ELP2: variants seen among roughly 807,000 people sequenced by gnomAD.
ELP2 encodes elongator complex protein 2.
In ELP2, 90 loss-of-function variants were observed where a neutral mutation model predicts 119.2. The observed-to-expected ratio is 0.75, with a 90% CI of 0.64 to 0.90. ELP2 has a LOEUF of 0.90. Among genes scored for constraint, ELP2 ranks in the 40% least tolerant of loss-of-function variants. ELP2 has a pLI of 0.00. For missense variants in ELP2, 921 were observed against 967.8 expected, an observed-to-expected ratio of 0.95 and a Z score of 0.64; for synonymous variants, 339 against 331.0, an observed-to-expected ratio of 1.02 and a Z score of -0.26.
rs928023635 is a variant in ELP2, at chr18:36,141,158, A to G, written c.545A>G (p.Asn182Ser). ...NTDVPILACG[N>S]DDCRIHIFAQ... The stretch of plus-strand genomic sequence containing the variant: ...CCAGTACCAATATTAGCATGTGGCA[A>G]TGATGATTGCAGAATTCACATATTT... The change falls in exon 6 of 22, where the codon AAT becomes AGT. Residue 182 changes from asparagine (N) to serine (S), a missense_variant. Physicochemically the swap from Asn to Ser is conservative, Grantham distance 46 (BLOSUM62 1). Transcript: ENST00000358232. 2 of 1,613,916 alleles carry G rather than the reference A, an allele frequency of 1.2e-6. No homozygotes were observed. Among genetic ancestry groups the G allele is most frequent in the East Asian group, 2.2e-5 (1 of 44,848 alleles).
intron 9 of ELP2, 27 bp downstream of exon 9, chr18:36,145,061 C>T: frequency 1.3e-6 from 2 of 1,540,796 alleles, no homozygotes. Flanking sequence ...ACACATATCC[C>T]TTACTCCAGT....
chr18:36,151,326 A>G (rs1398693533), intron 11 of ELP2, among the ~76,000 whole-genome samples: 1 of 150,986 alleles, frequency 6.6e-6, no homozygotes, highest in Non-Finnish European at 1.5e-5. Flanking sequence ...CAAGCAGTCT[A>G]CCCGCTTCTG....
chr18:36,142,402 C>A, intron 7 of ELP2, 55 bp downstream of exon 7: 1 of 1,380,374 alleles, frequency 7.2e-7, no homozygotes, highest in Non-Finnish European at 1.0e-6. Flanking sequence ...TGTGTTACTT[C>A]CAAGAAAGCA....
At position 36,140,124 on chromosome 18, in the gene ELP2, G is replaced by C. The variant is rs1441684622; in HGVS notation, c.524-1013G>C. Among the ~76,000 whole-genome samples the C allele has an allele frequency of 2.0e-5, 3 of 152,008 alleles. No individual in the cohort carries two copies. The East Asian group carries it at 5.8e-4, about 30-fold the overall frequency. ...CTCCCAAAGTGCTGGGATCACAGAT[G>C]TGAGCCACTGCGTCTGGATCCCCTT... On this transcript the variant is annotated intron_variant, in intron 5 of 21. Transcript: ENST00000358232.
Position 36,149,471 on chromosome 18 carries a change from G to GTTTT in ELP2, c.1125+3093_1125+3096dup, listed in dbSNP as rs1457178336. Among the ~76,000 whole-genome samples, 76 of 66,882 alleles carry GTTTT rather than the reference G, an allele frequency of 1.1e-3. 1 individual carries two copies. The highest frequency in any genetic ancestry group is 2.8e-3 in the African/African-American group (64 of 22,946). 43.9% of individuals were successfully genotyped at this position (66,882 alleles called of 152,430 possible). On this transcript the variant is annotated intron_variant, in intron 11 of 21. Transcript: ENST00000358232. ...CAAGACTTAGAAACATAGTTGCAGGGTTTTTTGTTTTGTTTTGTTTTTTTT... is the reference window on the plus strand; with the variant it reads ...CAAGACTTAGAAACATAGTTGCAGGGTTTTTTTTTTGTTTTGTTTTGTTTTTTTT...
At chr18:36,133,896 G>GTT (rs1567972210) in intron 2 of ELP2, among the ~76,000 whole-genome samples, 4 of 114,792 alleles carry the variant, frequency 3.5e-5, no homozygotes, top group African/African-American at 1.4e-4. Context: ...GTTTTTTAGG[G>GTT]GTTTTTTTTT....
At chr18:36,145,177 G>T in intron 9 of ELP2, 143 bp downstream of exon 9, 1 of 697,342 alleles carries the variant, frequency 1.4e-6, no homozygotes, top group South Asian at 1.5e-5. Flanking sequence ...GTATAATACT[G>T]CATTCCTGGT....
rs778411093 is a variant in ELP2, at chr18:36,145,945, T to C, written c.893-3T>C. On this transcript the variant is annotated splice_region_variant and splice_polypyrimidine_tract_variant and intron_variant, in intron 9 of 21. Transcript: ENST00000358232. ...CCTAAAGGGATTAGGTTTTATTTTTTAGATGGTGTCCTACAGCAGCCAGTG... is the reference window on the plus strand; with the variant it reads ...CCTAAAGGGATTAGGTTTTATTTTTCAGATGGTGTCCTACAGCAGCCAGTG... 12 of 1,611,504 alleles carry C rather than the reference T, an allele frequency of 7.4e-6. No individual in the cohort carries two copies. Among genetic ancestry groups the C allele is most frequent in the Non-Finnish European group, 1.0e-5 (12 of 1,177,576 alleles).
chr18:36,141,764 C>T (rs1949826004), intron 6 of ELP2, among the ~76,000 whole-genome samples: 1 of 149,482 alleles, frequency 6.7e-6, no homozygotes, highest in Non-Finnish European at 1.5e-5. Flanking sequence ...GAACATGCGT[C>T]ACTGTAGTCT....
At position 36,164,619 on chromosome 18, in the gene ELP2, C is replaced by T. The variant is rs368507377; in HGVS notation, c.1906C>T (p.Arg636Ter). The T allele has an allele frequency of 9.9e-6, 16 of 1,613,924 alleles. No individual in the cohort carries two copies. The highest frequency in any genetic ancestry group is 2.7e-5 in the African/African-American group (2 of 74,908). The change falls in exon 18 of 22, where the codon CGA becomes TGA. Residue 636 changes from arginine (R) to a stop codon, truncating the protein, a stop_gained. Transcript: ENST00000358232. LOFTEE classifies it high-confidence loss of function. ...EKFLLAVSRD[R>*]TWSLWKKQDT... ...GTTCTTACTAGCTGTTTCCAGAGAT[C>T]GAACCTGGTCATTGTGGAAAAAGCA...
At chr18:36,136,924 T>C (rs947802019) in intron 3 of ELP2, among the ~76,000 whole-genome samples, 8 of 152,216 alleles carry the variant, frequency 5.3e-5, no homozygotes, top group African/African-American at 1.9e-4. Flanking sequence ...GTTATGTTTT[T>C]AAAAATTCTC....
chr18:36,139,407 T>G (rs2089943616), intron 5 of ELP2: 1 of 1,534,780 alleles, frequency 6.5e-7, no homozygotes, highest in African/African-American at 1.4e-5. Flanking sequence ...GTCAGCCTCT[T>G]TGCCTCCACA....
intron 3 of ELP2, among the ~76,000 whole-genome samples, chr18:36,137,926 A>G (rs545863042): frequency 2.6e-4 from 39 of 152,122 alleles, no homozygotes; most frequent in African/African-American, 9.4e-4. Flanking sequence ...GTGCCTCCTG[A>G]TGGGATGTGC....
chr18:36,156,324 T>C, intron 12 of ELP2, 142 bp from the exon 13 acceptor site: 1 of 807,144 alleles, frequency 1.2e-6, no homozygotes, highest in African/African-American at 1.7e-5. Context: ...TTACCAATAC[T>C]GCCCAGTTGT....
At chr18:36,169,002 G>A (rs533021977) in intron 19 of ELP2, among the ~76,000 whole-genome samples, 3 of 126,498 alleles carry the variant, frequency 2.4e-5, no homozygotes, top group East Asian at 2.5e-4. Context: ...TTGGCTCACT[G>A]CAACCCCCGC....
intron 11 of ELP2, among the ~76,000 whole-genome samples, chr18:36,153,135 CAG>C (rs765987842): frequency 6.6e-6 from 1 of 152,236 alleles, no homozygotes; most frequent in Non-Finnish European, 1.5e-5. Flanking sequence ...TTATAGATAA[CAG>C]TGACCAAGGG....
chr18:36,155,270 C>CG (rs2090536539), intron 12 of ELP2, among the ~76,000 whole-genome samples: 1 of 144,142 alleles, frequency 6.9e-6, no homozygotes, highest in African/African-American at 2.6e-5. Flanking sequence ...CCCCTCCCCC[C>CG]CCCCCGCCTC....
At chr18:36,139,219 G>T (rs983050752) in intron 5 of ELP2, among the ~76,000 whole-genome samples, 2 of 152,154 alleles carry the variant, frequency 1.3e-5, no homozygotes, top group Non-Finnish European at 2.9e-5. Flanking sequence ...AAAAAGTGTT[G>T]AATGAAGATG....
chr18:36,171,322 T>G (rs925860600), intron 21 of ELP2, among the ~76,000 whole-genome samples, 162 bp downstream of exon 21: 1 of 152,230 alleles, frequency 6.6e-6, no homozygotes, highest in Non-Finnish European at 1.5e-5. Context: ...TGTGGTAATC[T>G]GAAATTGATA....
Sources: allele counts gnomAD v4.1 joint callset (sites outside exome capture counted in the v4.1 genomes callset), GRCh38; gene constraint gnomAD v4.1.1; transcripts MANE v1.5; gene names NCBI Gene and HGNC (gene_info 2026-07-23, HGNC 2026-07-21).